The following ANO7 variants were observed in gnomAD, a reference collection of about 807,000 sequenced individuals.
ANO7 encodes anoctamin 7.
Under a neutral mutation model 115.8 loss-of-function variants are expected in ANO7, and 114 were observed. The ratio of observed to expected loss-of-function variants is 0.98; its 90% CI spans 0.85 to 1.15. The LOEUF is 1.15. Among genes scored for constraint, ANO7 ranks in the 50% most tolerant of loss-of-function variants. The pLI is 0.00. For missense variants in ANO7, 1,302 were observed against 1,201.2 expected, an observed-to-expected ratio of 1.08 and a Z score of -1.24; for synonymous variants, 550 against 498.2, an observed-to-expected ratio of 1.10 and a Z score of -1.38.
chr2:241,202,133 G>A, intron 7 of ANO7, 61 bp from the exon 8 acceptor site: 2 of 1,439,208 alleles, frequency 1.4e-6, no homozygotes, highest in Non-Finnish European at 1.9e-6. Context: ...GGCTAGCTAG[G>A]ACTTCCCTGT....
chr2:241,199,595 G>A (rs2068422548), intron 5 of ANO7, among the ~76,000 whole-genome samples, 172 bp downstream of exon 5: 1 of 152,220 alleles, frequency 6.6e-6, no homozygotes, highest in African/African-American at 2.4e-5. Flanking sequence ...AAACAGGGCA[G>A]GTGGTGGCAT....
chr2:241,229,405 G>A, downstream of ANO7: 1 of 538,772 alleles, frequency 1.9e-6, no homozygotes, highest in Non-Finnish European at 3.4e-6. Flanking sequence ...AGTGGAGCAG[G>A]TCCTGAGCGG....
chr2:241,215,980 C>T, intron 18 of ANO7, 113 bp from the exon 19 acceptor site: 2 of 1,344,572 alleles, frequency 1.5e-6, no homozygotes, highest in Non-Finnish European at 2.0e-6. Context: ...CTCCCTGCTG[C>T]CCTTCAATTG....
intron 10 of ANO7, among the ~76,000 whole-genome samples, chr2:241,205,588 G>C (rs1477524095): frequency 2.6e-4 from 36 of 138,310 alleles, no homozygotes; most frequent in Non-Finnish European, 1.4e-4. Context: ...GGACAGGAGT[G>C]CTCCCAGGCT....
chr2:241,217,891 C>G lies in ANO7; in HGVS notation c.2178C>G (p.Asn726Lys). The G allele has an allele frequency of 6.5e-7, 1 of 1,548,808 alleles. No individual in the cohort carries two copies. Among genetic ancestry groups the G allele is most frequent in the Non-Finnish European group, 8.7e-7 (1 of 1,153,362 alleles). The change falls in exon 20 of 25, where the codon AAC becomes AAG. Residue 726 changes from asparagine to lysine, a missense_variant and splice_region_variant. Asn to Lys is a moderately conservative substitution (Grantham distance 94). Coordinates refer to ENST00000674324, the MANE Select transcript of ANO7 (RefSeq NM_001370694.2). ...AGLTHLAVISNAFLLAFSSDF... is the reference protein window; with the variant it reads ...AGLTHLAVISKAFLLAFSSDF... ...TCACGCACCTGGCGGTCATCAGCAA[C>G]GTGAGGCCCGGGCGGGAGCGCGGGG... is the stretch of plus-strand genomic sequence containing the variant.
At chr2:241,202,518 C>A (rs568676882) in intron 8 of ANO7, among the ~76,000 whole-genome samples, 58 of 152,334 alleles carry the variant, frequency 3.8e-4, no homozygotes, top group African/African-American at 1.4e-3. Flanking sequence ...GGACTGCAGC[C>A]CACACTGCGG....
At chr2:241,215,013 G>C in intron 18 of ANO7, 111 bp downstream of exon 18, 1 of 1,019,104 alleles carries the variant, frequency 9.8e-7, no homozygotes, top group Non-Finnish European at 1.4e-6. Flanking sequence ...TGAAGGGAAG[G>C]CACCTTGCCT....
intron 3 of ANO7, among the ~76,000 whole-genome samples, chr2:241,195,190 C>G (rs969340732): frequency 6.6e-6 from 1 of 152,180 alleles, no homozygotes; most frequent in Non-Finnish European, 1.5e-5. Context: ...CCCTCCCTGT[C>G]GTTTGGGAAA....
chr2:241,227,429 T>C (rs2069236800), downstream of ANO7: 1 of 152,552 alleles, frequency 6.6e-6, no homozygotes, highest in East Asian at 1.9e-4. Flanking sequence ...AAACAGATGA[T>C]ATGGAAGACA....
At chr2:241,226,590 A>G (rs927974947), downstream of ANO7, among the ~76,000 whole-genome samples, 1 of 151,872 alleles carries the variant, frequency 6.6e-6, no homozygotes. Context: ...ACACCCAGCT[A>G]ATTTTTTGCA....
chr2:241,215,871 C>T (rs1363398672), intron 18 of ANO7, among the ~76,000 whole-genome samples: 1 of 152,204 alleles, frequency 6.6e-6, no homozygotes, highest in African/African-American at 2.4e-5. Flanking sequence ...GTGGACTGCC[C>T]TCCCACATCT....
At chr2:241,208,964 A>C (rs924637409) in intron 11 of ANO7, among the ~76,000 whole-genome samples, 2 of 152,072 alleles carry the variant, frequency 1.3e-5, no homozygotes, top group African/African-American at 4.8e-5. Context: ...CCTGGCTAAC[A>C]CGGTGAAACC....
At chr2:241,196,106 C>G in intron 4 of ANO7, 3 of 1,391,078 alleles carry the variant, frequency 2.2e-6, no homozygotes, top group Non-Finnish European at 1.9e-6. Context: ...CCTGAAAACT[C>G]TGACACTACC....
chr2:241,189,794 A>G (rs2068146761), intron 1 of ANO7, among the ~76,000 whole-genome samples: 1 of 152,098 alleles, frequency 6.6e-6, no homozygotes, highest in Non-Finnish European at 1.5e-5. Flanking sequence ...ACGGGCACTC[A>G]CTGGATGGAC....
At chr2:241,193,389 G>A (rs1436128234) in intron 3 of ANO7, among the ~76,000 whole-genome samples, 1 of 151,970 alleles carries the variant, frequency 6.6e-6, no homozygotes, top group Non-Finnish European at 1.5e-5. Context: ...TTTTTAAAAC[G>A]TAGACAGCCC....
intron 10 of ANO7, 131 bp from the exon 11 acceptor site, chr2:241,207,443 G>C: frequency 1.5e-6 from 1 of 664,514 alleles, no homozygotes; most frequent in Non-Finnish European, 2.7e-6. Flanking sequence ...TTTAAGAAAT[G>C]CTGGGCCTGG....
the ANO7 span, among the ~76,000 whole-genome samples, chr2:241,237,291 C>T: frequency 0.21 from 31,203 of 152,082 alleles, 3,515 homozygotes; most frequent in Middle Eastern, 0.34. Flanking sequence ...GCTCCTTATG[C>T]CAGAAAGCGA....
rs371360764 is a variant in ANO7, at chr2:241,218,263, G to A, written c.2203G>A (p.Asp735Asn). The change falls in exon 21 of 25, where the codon GAC (aspartate) becomes AAC (asparagine). Residue 735 changes from aspartate (D) to asparagine (N), a missense_variant. Coordinates refer to ENST00000674324, the MANE Select transcript of ANO7 (RefSeq NM_001370694.2). ...SNAFLLAFSS[D>N]FLPRAYYRWT... ...GGCCTTCCTCCTGGCCTTCTCGTCC[G>A]ACTTCCTGCCGCGCGCCTACTACCG... is the stretch of plus-strand genomic sequence containing the variant. 2.9e-5 allele frequency: 45 copies of A among 1,530,866 alleles called. No homozygotes were observed. The highest frequency in any genetic ancestry group is 3.7e-5 in the Non-Finnish European group (42 of 1,146,258). 94.8% of individuals were successfully genotyped at this position (1,530,866 alleles called of 1,614,324 possible). A position where few individuals can be genotyped will look rare whatever the true frequency, so the allele number is the denominator to read the frequency against.
In ANO7 at chr2:241,199,330, C is replaced by T. The variant is rs367765253; in HGVS notation, c.324C>T (p.Asp108=). 3.3e-4 allele frequency: 528 copies of T among 1,613,666 alleles called. No individual in the cohort carries two copies. The highest frequency in any genetic ancestry group is 4.3e-4 in the Admixed American group (26 of 60,028). ...GGTGCCTACAGCAGGACGTCCAGGA[C>T]GGGAACACCACAGTGCACTACGCCC... ...GLCVDQQDVQ[D]GNTTVHYALL... is the part of the protein sequence containing the mutation. The change falls in exon 5 of 25, where the codon GAC becomes GAT. Residue 108 remains aspartate (D), a synonymous_variant. Coordinates refer to ENST00000674324, the MANE Select transcript of ANO7 (RefSeq NM_001370694.2).
Sources: gnomAD v4.1 joint callset for allele counts (sites outside exome capture counted in the v4.1 genomes callset) on GRCh38, gnomAD v4.1.1 for gene constraint, MANE v1.5 for transcripts, NCBI Gene and HGNC (gene_info 2026-07-23, HGNC 2026-07-21) for gene names.